MTMR8: variants seen among roughly 807,000 people sequenced by gnomAD.
MTMR8 encodes myotubularin related protein 8.
In MTMR8, 65 loss-of-function variants were observed where a neutral mutation model predicts 39.3. The ratio of observed to expected loss-of-function variants is 1.65; its 90% confidence interval spans 1.35 to 2.03. The LOEUF is 2.03. Ranked by LOEUF, MTMR8 falls within the 30% of genes most tolerant of loss-of-function variation. MTMR8 has a pLI of 0.00. For missense variants in MTMR8, 777 were observed against 538.9 expected, an observed-to-expected ratio of 1.44 and a Z score of -4.37; for synonymous variants, 245 against 185.2, an observed-to-expected ratio of 1.32 and a Z score of -2.62.
intron 12 of MTMR8, among the ~76,000 whole-genome samples, chrX:64,313,715 T>C (rs570471366): frequency 8.9e-6 from 1 of 112,619 alleles, no homozygotes; most frequent in East Asian, 2.8e-4. Context: ...TATTGTTGTG[T>C]CTTGAATCCA....
At chrX:64,309,456 A>T (rs1408615769) in intron 12 of MTMR8, among the ~76,000 whole-genome samples, 1 of 105,520 alleles carries the variant, frequency 9.5e-6, no homozygotes, top group Non-Finnish European at 1.9e-5. Flanking sequence ...TTAAACTTGT[A>T]AATGCAAAAA....
At chrX:64,285,930 A>T (rs1352081534) in intron 12 of MTMR8, among the ~76,000 whole-genome samples, 1 of 111,569 alleles carries the variant, frequency 9.0e-6, no homozygotes, top group Non-Finnish European at 1.9e-5. Flanking sequence ...AGAAACAAGA[A>T]CAAACACATT....
Position 64,307,645 on chromosome X carries a change from T to C in MTMR8, c.1481+21127A>G, listed in dbSNP as rs181927032. On this transcript the variant is annotated intron_variant, in intron 12 of 13. Coordinates refer to ENST00000374852, the MANE Select transcript of MTMR8 (RefSeq NM_017677.4). ...GAGTATAATGGTTCCTCCCACCTTATACTTCTTTGTCAAATTGTCTTAGCT... is the reference window on the plus strand; with the variant it reads ...GAGTATAATGGTTCCTCCCACCTTACACTTCTTTGTCAAATTGTCTTAGCT... Among the ~76,000 whole-genome samples the C allele has an allele frequency of 7.2e-5, 8 of 111,882 alleles. No homozygotes were observed. The East Asian group carries it at 2.3e-3, about 31-fold the overall frequency.
Position 64,356,319 on chromosome X carries a change from G to T in MTMR8, c.167C>A (p.Ala56Asp). 1 of 1,205,153 alleles carries T rather than the reference G, an allele frequency of 8.3e-7. No individual in the cohort carries two copies. The highest frequency in any genetic ancestry group is 1.1e-6 in the Non-Finnish European group (1 of 893,273). ...KETWIALHHIATVEKLPITSL... is the reference protein window; with the variant it reads ...KETWIALHHIDTVEKLPITSL... Reference sequence around the variant, plus strand: ...AGTGATGGGTAACTTCTCCACAGTGGCAATGTGATGGAGTGCAATCTGAAA... The same window carrying T: ...AGTGATGGGTAACTTCTCCACAGTGTCAATGTGATGGAGTGCAATCTGAAA... The change falls in exon 3 of 14, where the codon GCC becomes GAC. Residue 56 changes from alanine (A) to aspartate (D), a missense_variant. By Grantham distance (126) the Ala-to-Asp change is moderately radical. Coordinates refer to ENST00000374852, the MANE Select transcript of MTMR8 (RefSeq NM_017677.4).
intron 12 of MTMR8, among the ~76,000 whole-genome samples, chrX:64,276,856 A>C (rs1441078993): frequency 9.0e-6 from 1 of 111,603 alleles, no homozygotes; most frequent in African/African-American, 3.3e-5. Context: ...GGGGTATTAA[A>C]GTCTCCTACT....
intron 1 of MTMR8, among the ~76,000 whole-genome samples, chrX:64,383,367 A>G (rs1388421407): frequency 9.1e-6 from 1 of 109,658 alleles, no homozygotes; most frequent in African/African-American, 3.3e-5. Context: ...TATTATATAT[A>G]TGATATAATT....
intron 1 of MTMR8, among the ~76,000 whole-genome samples, chrX:64,364,608 G>A (rs372156026): frequency 2.7e-5 from 3 of 111,650 alleles, no homozygotes; most frequent in Middle Eastern, 4.6e-3. Context: ...CCATCTGTAC[G>A]TAACCAGCAT....
At chrX:64,318,708 G>GTTTTTTTTTTT (rs1209006743) in intron 12 of MTMR8, among the ~76,000 whole-genome samples, 1 of 82,404 alleles carries the variant, frequency 1.2e-5, no homozygotes, top group African/African-American at 4.5e-5. Context: ...TTGGTTTTTT[G>GTTTTTTTTTTT]TTTTTTTTTT....
At chrX:64,369,045 C>T (rs1013673567) in intron 1 of MTMR8, among the ~76,000 whole-genome samples, 1 of 111,927 alleles carries the variant, frequency 8.9e-6, no homozygotes, top group Non-Finnish European at 1.9e-5. Flanking sequence ...AAATGCAAAT[C>T]GTTTTAAACC....
intron 1 of MTMR8, among the ~76,000 whole-genome samples, chrX:64,392,826 G>T (rs1286596067): frequency 9.0e-6 from 1 of 111,384 alleles, no homozygotes; most frequent in African/African-American, 3.3e-5. Context: ...CAAACTCAAA[G>T]TTATCCCTTT....
At chrX:64,361,115 T>C (rs769552137) in intron 1 of MTMR8, among the ~76,000 whole-genome samples, 9 of 111,775 alleles carry the variant, frequency 8.1e-5, no homozygotes, top group Non-Finnish European at 1.5e-4. Flanking sequence ...CTATCACTAT[T>C]ATGAACAACA....
Position 64,308,098 on chromosome X carries a change from A to C in MTMR8, c.1481+20674T>G, listed in dbSNP as rs921877690. Among the ~76,000 whole-genome samples, 2 of 111,487 alleles carry C rather than the reference A, an allele frequency of 1.8e-5. 1 individual carries two copies. The highest frequency in any genetic ancestry group is 3.8e-5 in the Non-Finnish European group (2 of 53,151). ...GCACACCAACATGGCACATGTATACATATGTAACAAACCTGCACATTGTGC... is the reference window on the plus strand; with the variant it reads ...GCACACCAACATGGCACATGTATACCTATGTAACAAACCTGCACATTGTGC... On this transcript the variant is annotated intron_variant, in intron 12 of 13. Transcript: ENST00000374852.
intron 4 of MTMR8, among the ~76,000 whole-genome samples, chrX:64,351,196 C>T (rs1287736161): frequency 2.7e-5 from 3 of 110,834 alleles, no homozygotes; most frequent in East Asian, 2.8e-4. Context: ...GACTCAGACA[C>T]ACATTTGAGG....
At chrX:64,371,365 A>C (rs1464398283) in intron 1 of MTMR8, among the ~76,000 whole-genome samples, 1 of 112,288 alleles carries the variant, frequency 8.9e-6, no homozygotes, top group African/African-American at 3.2e-5. Flanking sequence ...AATGACATGG[A>C]GCTACTATTT....
rs147193146 is a variant in MTMR8, at chrX:64,349,980, G to A, written c.559C>T (p.Arg187Cys). 1.6e-4 allele frequency: 195 copies of A among 1,193,801 alleles called. No homozygotes were observed. The highest frequency in any genetic ancestry group is 2.0e-4 in the Non-Finnish European group (174 of 886,461). Residue 187 changes from arginine (R) to cysteine (C), a missense_variant, in exon 5 of 14, where the codon CGT becomes TGT. Arg to Cys is a radical substitution (Grantham distance 180, BLOSUM62 -3). Coordinates refer to ENST00000374852, the MANE Select transcript of MTMR8 (RefSeq NM_017677.4). ...VGSSKFRSKE[R>C]VPVLSYLYKE... ...TAGAGGTAGGAGAGCACAGGGACAC[G>A]TTCTTTACTTCTGAACTTTGAACTT...
chrX:64,303,669 A>T (rs1160586904), intron 12 of MTMR8, among the ~76,000 whole-genome samples: 1 of 112,603 alleles, frequency 8.9e-6, no homozygotes, highest in Non-Finnish European at 1.9e-5. Context: ...CTGAGGTATT[A>T]TTCAATTTAC....
intron 12 of MTMR8, among the ~76,000 whole-genome samples, chrX:64,285,464 C>A (rs935675961): frequency 1.8e-5 from 2 of 111,372 alleles, no homozygotes; most frequent in Admixed American, 1.9e-4. Flanking sequence ...AGCTCTGCAC[C>A]AAGCAGACCT....
At chrX:64,342,216 G>A (rs1484831081) in intron 8 of MTMR8, among the ~76,000 whole-genome samples, 4 of 112,763 alleles carry the variant, frequency 3.5e-5, no homozygotes, top group Non-Finnish European at 7.5e-5. Flanking sequence ...TTATTACACT[G>A]TGAACAATGG....
At chrX:64,348,221 A>G (rs1275548943) in intron 6 of MTMR8, among the ~76,000 whole-genome samples, 1 of 111,337 alleles carries the variant, frequency 9.0e-6, no homozygotes, top group African/African-American at 3.3e-5. Context: ...TGGGAGAACC[A>G]AAGTATTATT....
Sources: gnomAD v4.1 joint callset for allele counts (sites outside exome capture counted in the v4.1 genomes callset) on GRCh38, gnomAD v4.1.1 for gene constraint, MANE v1.5 for transcripts, NCBI Gene and HGNC (gene_info 2026-07-23, HGNC 2026-07-21) for gene names.